Variants in NMS observed in about 807,000 individuals in gnomAD.
The protein encoded by NMS is neuromedin-S.
Under a neutral mutation model 32.2 loss-of-function variants are expected in NMS, and 30 were observed. That is an observed-to-expected ratio of 0.93 (90% CI 0.70 to 1.26). The LOEUF (loss-of-function observed/expected upper bound fraction) is 1.26, where lower values mean the gene tolerates loss of function less well. NMS is among the 50% of genes most tolerant of loss of function. The pLI is 0.00. For synonymous variants in NMS, 76 were observed against 58.5 expected, an observed-to-expected ratio of 1.30 and a Z score of -1.37; for missense variants, 190 against 186.3, an observed-to-expected ratio of 1.02 and a Z score of -0.12.
chr2:100,479,028 G>C (rs1677164705), intron 5 of NMS, among the ~76,000 whole-genome samples: 1 of 152,152 alleles, frequency 6.6e-6, no homozygotes, highest in South Asian at 2.1e-4. Flanking sequence ...TGGAGAGGGA[G>C]AAAGAATACA....
intron 3 of NMS, among the ~76,000 whole-genome samples, chr2:100,474,834 A>G (rs1468451402): frequency 6.6e-6 from 1 of 152,240 alleles, no homozygotes; most frequent in Non-Finnish European, 1.5e-5. Context: ...TTTGAAGGCA[A>G]TTGTTAGCTC....
At chr2:100,480,474 C>A (rs1284455326) in intron 6 of NMS, 22 bp from the exon 7 acceptor site, 2 of 1,613,038 alleles carry the variant, frequency 1.2e-6, no homozygotes, top group African/African-American at 2.7e-5. Flanking sequence ...GTTGAATTAA[C>A]CTGTGCCTCA....
rs755232060 is a variant in NMS, at chr2:100,479,364, G to C, written c.273G>C (p.Val91=). 1 of 1,608,994 alleles carries C rather than the reference G, an allele frequency of 6.2e-7. No homozygotes were observed. The highest frequency in any genetic ancestry group is 2.2e-5 in the East Asian group (1 of 44,570). ...THPVKTGFPP[V]HPLMHLAAKL... ...CCTGTCTGTTGCAGTTTCCTCCAGT[G>C]CATCCTCTAATGCACCTGGCTGCCA... The change falls in exon 6 of 10, where the codon GTG becomes GTC. Residue 91 remains valine, a synonymous_variant. Transcript: ENST00000376865.
intron 3 of NMS, among the ~76,000 whole-genome samples, chr2:100,473,901 G>T (rs1305946210): frequency 6.6e-6 from 1 of 152,026 alleles, no homozygotes; most frequent in African/African-American, 2.4e-5. Flanking sequence ...TAACTAGTTG[G>T]GCCTGGTGGC....
intron 3 of NMS, among the ~76,000 whole-genome samples, chr2:100,474,471 A>G (rs1390977296): frequency 1.3e-5 from 2 of 152,198 alleles, no homozygotes; most frequent in Admixed American, 6.5e-5. Context: ...TGCCTCCTTC[A>G]CAGGCTGCAG....
At chr2:100,481,033 A>G (rs1677206663) in intron 7 of NMS, 93 bp from the exon 8 acceptor site, 2 of 1,280,862 alleles carry the variant, frequency 1.6e-6, no homozygotes, top group African/African-American at 2.9e-5. Context: ...CTGGTCTGGG[A>G]CCACCCATTT....
intron 5 of NMS, 77 bp from the exon 6 acceptor site, chr2:100,479,276 C>A (rs944312411): frequency 2.0e-6 from 2 of 1,000,900 alleles, no homozygotes; most frequent in Non-Finnish European, 2.9e-6. Flanking sequence ...GAAAGAAATG[C>A]GCATAGCCCT....
At chr2:100,476,088 A>G (rs1169085570) in intron 3 of NMS, among the ~76,000 whole-genome samples, 1 of 152,154 alleles carries the variant, frequency 6.6e-6, no homozygotes, top group Non-Finnish European at 1.5e-5. Context: ...CAGGAAAAGC[A>G]TCTTCACATT....
At chr2:100,471,966 AG>A (rs138563983) in intron 1 of NMS, among the ~76,000 whole-genome samples, 37,258 of 151,916 alleles carry the variant, frequency 0.25, 4,760 homozygotes, top group East Asian at 0.34. Context: ...ATTTCAAGTC[AG>A]GCTATTATCT....
chr2:100,477,113 T>C, intron 3 of NMS, 131 bp from the exon 4 acceptor site: 1 of 726,682 alleles, frequency 1.4e-6, no homozygotes, highest in Non-Finnish European at 2.4e-6. Context: ...TAATTTCTTT[T>C]TAGATTGCCA....
Position 100,481,148 on chromosome 2 carries a change from G to C in NMS, c.395G>C (p.Arg132Pro). 6.2e-7 allele frequency: 1 copy of C among 1,614,128 alleles called. No homozygotes were observed. Among genetic ancestry groups the C allele is most frequent in the Non-Finnish European group, 8.5e-7 (1 of 1,180,010 alleles). Residue 132 changes from arginine (R) to proline (P), a missense_variant, in exon 8 of 10, where the codon CGA (arginine) becomes CCA (proline). Arg to Pro is a moderately radical substitution (Grantham distance 103). Coordinates refer to ENST00000376865, the MANE Select transcript of NMS (RefSeq NM_001011717.1). Reference sequence around the variant, plus strand: ...CAGGATCACACTGCGACCTGGGGACGACCCTTTTTCCTTTTCAGGGTATAG... The same window carrying C: ...CAGGATCACACTGCGACCTGGGGACCACCCTTTTTCCTTTTCAGGGTATAG... ...TKKDHTATWG[R>P]PFFLFRPRNG...
chr2:100,473,769 AATT>A, intron 3 of NMS, among the ~76,000 whole-genome samples: 1 of 152,142 alleles, frequency 6.6e-6, no homozygotes, highest in East Asian at 1.9e-4. Flanking sequence ...ATATTCTTAC[AATT>A]ATTATAATCA....
At chr2:100,471,801 A>G (rs1297276301) in intron 1 of NMS, among the ~76,000 whole-genome samples, 1 of 152,224 alleles carries the variant, frequency 6.6e-6, no homozygotes, top group Non-Finnish European at 1.5e-5. Context: ...TCTAACCGTC[A>G]GTCTTTATTC....
chr2:100,472,212 T>G (rs148860168), intron 1 of NMS, among the ~76,000 whole-genome samples: 65 of 152,312 alleles, frequency 4.3e-4, no homozygotes, highest in African/African-American at 1.5e-3. Flanking sequence ...AATTGATTCT[T>G]TCGACTGCAC....
chr2:100,477,421 A>G lies in NMS; in HGVS notation c.261+7A>G. 1 of 1,605,270 alleles carries G rather than the reference A, an allele frequency of 6.2e-7. No homozygotes were observed. The highest frequency in any genetic ancestry group is 8.5e-7 in the Non-Finnish European group (1 of 1,172,406). Reference sequence around the variant, plus strand: ...ACATCCAGTTAAAACTGGGGTCAGTATTTTATTATAATCATCTGTCTGTAA... The same window carrying G: ...ACATCCAGTTAAAACTGGGGTCAGTGTTTTATTATAATCATCTGTCTGTAA... On this transcript the variant is annotated splice_region_variant and intron_variant, in intron 5 of 9. Transcript: ENST00000376865.
At position 100,482,341 on chromosome 2, in the gene NMS, C is replaced by G. The variant is rs190192330; in HGVS notation, c.449+30C>G. On this transcript the variant is annotated intron_variant, in intron 9 of 9. Coordinates refer to ENST00000376865, the MANE Select transcript of NMS (RefSeq NM_001011717.1). ...GTAGTCCAAGATCAGCTTCATCACC[C>G]TTTTTCTCTTTCAAGCAAATTTTAT... is the stretch of plus-strand genomic sequence containing the variant. 2.5e-6 allele frequency: 4 copies of G among 1,608,340 alleles called. No individual in the cohort carries two copies. In the African/African-American group the frequency reaches 5.3e-5, roughly 21 times the overall value.
At chr2:100,474,139 TGG>T in intron 3 of NMS, among the ~76,000 whole-genome samples, 1 of 152,324 alleles carries the variant, frequency 6.6e-6, no homozygotes, top group East Asian at 1.9e-4. Context: ...CACTCCAGCC[TGG>T]GTGACAGAGC....
chr2:100,481,008 A>C, intron 7 of NMS, 118 bp from the exon 8 acceptor site: 1 of 947,908 alleles, frequency 1.1e-6, no homozygotes, highest in South Asian at 1.3e-5. Context: ...AAGTTCCCAG[A>C]GGTTGTTGGT....
intron 7 of NMS, among the ~76,000 whole-genome samples, chr2:100,480,747 A>G (rs966908083): frequency 6.6e-6 from 1 of 152,046 alleles, no homozygotes; most frequent in Non-Finnish European, 1.5e-5. Flanking sequence ...GGCTGTTCAT[A>G]TTTCACCTCC....
Sources: gnomAD v4.1 joint callset for allele counts (sites outside exome capture counted in the v4.1 genomes callset) on GRCh38, gnomAD v4.1.1 for gene constraint, MANE v1.5 for transcripts, NCBI Gene and HGNC (gene_info 2026-07-23, HGNC 2026-07-21) for gene names.